Variants in SLC13A4 observed in about 807,000 individuals in gnomAD.
The protein encoded by SLC13A4 is solute carrier family 13 member 4.
In SLC13A4, 28 loss-of-function variants were observed where a neutral mutation model predicts 72.7. That is an observed-to-expected ratio of 0.39 (90% CI 0.29 to 0.53). SLC13A4 has a LOEUF of 0.53. Among genes scored for constraint, SLC13A4 ranks in the 20% least tolerant of loss-of-function variants. The pLI is 0.78. For missense variants in SLC13A4, 653 were observed against 788.0 expected, an observed-to-expected ratio of 0.83 and a Z score of 2.05; for synonymous variants, 312 against 325.5, an observed-to-expected ratio of 0.96 and a Z score of 0.45.
chr7:135,711,641 T>G (rs1044666848), intron 2 of SLC13A4, among the ~76,000 whole-genome samples: 1 of 152,178 alleles, frequency 6.6e-6, no homozygotes, highest in East Asian at 1.9e-4. Context: ...CGAAGCCTCC[T>G]AGACAGCCTG....
chr7:135,727,738 G>A lies in SLC13A4; in HGVS notation c.-242C>T. ...AGCATCGTTTTGTGACCAGCAAAAA[G>A]GAACTGGGAAAGGATGATAAACGGG... On this transcript the variant is annotated 5_prime_UTR_variant, in exon 1 of 16. Coordinates refer to ENST00000682651, the MANE Select transcript of SLC13A4 (RefSeq NM_001318192.2). 1 of 467,416 alleles carries A rather than the reference G, an allele frequency of 2.1e-6. No homozygotes were observed. Among genetic ancestry groups the A allele is most frequent in the Non-Finnish European group, 3.8e-6 (1 of 264,582 alleles). 29.0% of individuals were successfully genotyped at this position (467,416 alleles called of 1,614,324 possible).
At chr7:135,724,478 GAC>G in intron 1 of SLC13A4, among the ~76,000 whole-genome samples, 1 of 138,230 alleles carries the variant, frequency 7.2e-6, no homozygotes. Context: ...GAGCCTGAGT[GAC>G]AGAGTGAGAC....
chr7:135,717,319 A>C (rs1217439560), intron 2 of SLC13A4, among the ~76,000 whole-genome samples: 1 of 152,218 alleles, frequency 6.6e-6, no homozygotes, highest in African/African-American at 2.4e-5. Context: ...ATTATATTTA[A>C]TAACTTCTGT....
intron 9 of SLC13A4, among the ~76,000 whole-genome samples, chr7:135,695,119 C>T (rs932422459): frequency 1.3e-5 from 2 of 152,228 alleles, no homozygotes; most frequent in Non-Finnish European, 2.9e-5. Context: ...TGGACAGGCT[C>T]TCTAACCATT....
intron 6 of SLC13A4, 87 bp from the exon 7 acceptor site, chr7:135,701,847 C>T: frequency 1.6e-6 from 2 of 1,286,854 alleles, no homozygotes; most frequent in South Asian, 1.3e-5. Flanking sequence ...ATCCCAGGGC[C>T]ACCCCATGCC....
chr7:135,684,104 G>T lies in SLC13A4; in HGVS notation c.1746+20C>A. On this transcript the variant is annotated intron_variant, in intron 15 of 15. Transcript: ENST00000682651. The stretch of plus-strand genomic sequence containing the variant: ...CCTCATGGCAGCTGGGCCTGGCAGG[G>T]AGAGGGCACCCCAACTCACCATATC... The T allele has an allele frequency of 6.3e-7, 1 of 1,581,866 alleles. No individual in the cohort carries two copies. The highest frequency in any genetic ancestry group is 1.3e-5 in the African/African-American group (1 of 74,544).
At chr7:135,710,744 C>T (rs1796282336) in intron 2 of SLC13A4, among the ~76,000 whole-genome samples, 1 of 152,178 alleles carries the variant, frequency 6.6e-6, no homozygotes, top group Non-Finnish European at 1.5e-5. Context: ...TCTCTTTTGC[C>T]CTATGGACAT....
At chr7:135,681,831 T>G in intron 15 of SLC13A4, 131 bp from the exon 16 acceptor site, 4 of 1,216,640 alleles carry the variant, frequency 3.3e-6, no homozygotes, top group Non-Finnish European at 4.5e-6. Flanking sequence ...TGGGGTGCTC[T>G]AGCATTGCCT....
intron 15 of SLC13A4, 113 bp from the exon 16 acceptor site, chr7:135,681,813 TTGCTGCCTGGGG>T: frequency 7.0e-7 from 1 of 1,436,258 alleles, no homozygotes; most frequent in South Asian, 1.4e-5. Flanking sequence ...TAGTTCCCAG[TTGCTGCCTGGGG>T]TGCTCTAGCA....
chr7:135,693,139 C>T (rs1402568092), intron 10 of SLC13A4: 2 of 148,474 alleles, frequency 1.3e-5, no homozygotes, highest in African/African-American at 5.0e-5. Flanking sequence ...TTGGTCATTC[C>T]CATCATCTAA....
intron 8 of SLC13A4, among the ~76,000 whole-genome samples, chr7:135,695,860 A>T (rs2129494237): frequency 6.6e-6 from 1 of 152,314 alleles, no homozygotes; most frequent in East Asian, 1.9e-4. Context: ...TTCTAAAATC[A>T]CCAAAGGAAT....
At chr7:135,726,416 C>T (rs1230186283) in intron 1 of SLC13A4, among the ~76,000 whole-genome samples, 1 of 152,182 alleles carries the variant, frequency 6.6e-6, no homozygotes, top group Non-Finnish European at 1.5e-5. Flanking sequence ...TTAACTTAAT[C>T]TTGGTTACCA....
At chr7:135,709,226 C>T (rs1181914668) in intron 2 of SLC13A4, among the ~76,000 whole-genome samples, 2 of 151,740 alleles carry the variant, frequency 1.3e-5, no homozygotes, top group East Asian at 1.9e-4. Context: ...CCAGCGCACC[C>T]GGCCTTAATT....
At chr7:135,700,270 G>A (rs1409100076) in intron 7 of SLC13A4, among the ~76,000 whole-genome samples, 1 of 152,100 alleles carries the variant, frequency 6.6e-6, no homozygotes, top group African/African-American at 2.4e-5. Flanking sequence ...TCCAGATGAC[G>A]GCCTTTCAGG....
intron 3 of SLC13A4, chr7:135,707,360 C>T (rs955562188): frequency 6.6e-6 from 1 of 152,160 alleles, no homozygotes; most frequent in Non-Finnish European, 1.5e-5. Flanking sequence ...ACCTGTTTGA[C>T]AATCTGGGAG....
intron 3 of SLC13A4, chr7:135,707,631 TG>T (rs1346824244): frequency 1.3e-5 from 2 of 152,542 alleles, no homozygotes; most frequent in African/African-American, 4.8e-5. Flanking sequence ...TCCCCGAGGG[TG>T]GGACTCCCTC....
intron 9 of SLC13A4, 100 bp from the exon 10 acceptor site, chr7:135,694,338 CT>C: frequency 1.4e-6 from 1 of 704,920 alleles, no homozygotes. Flanking sequence ...GCTGTGGTCA[CT>C]TTTCTCCTCT....
At chr7:135,712,331 C>G (rs1796322617) in intron 2 of SLC13A4, among the ~76,000 whole-genome samples, 1 of 151,546 alleles carries the variant, frequency 6.6e-6, no homozygotes, top group Admixed American at 6.6e-5. Context: ...GCCTGGGGCT[C>G]AGGATATAGT....
chr7:135,721,212 G>A (rs1001582740), intron 2 of SLC13A4, among the ~76,000 whole-genome samples, 183 bp downstream of exon 2: 3 of 152,234 alleles, frequency 2.0e-5, no homozygotes, highest in Admixed American at 2.0e-4. Flanking sequence ...AGGATCATGG[G>A]TGGAAGGAGA....
Sources: gnomAD v4.1 joint callset for allele counts (sites outside exome capture counted in the v4.1 genomes callset) on GRCh38, gnomAD v4.1.1 for gene constraint, MANE v1.5 for transcripts, NCBI Gene and HGNC (gene_info 2026-07-23, HGNC 2026-07-21) for gene names.